Variants in PAK1 observed in about 807,000 individuals in gnomAD.
PAK1 encodes serine/threonine-protein kinase PAK 1.
A neutral mutation model predicts 67.4 loss-of-function variants in PAK1; 29 were observed. The ratio of observed to expected loss-of-function variants is 0.43; its 90% CI spans 0.32 to 0.59. The LOEUF (loss-of-function observed/expected upper bound fraction) is 0.59. Among genes scored for constraint, PAK1 ranks in the 20% least tolerant of loss-of-function variants. The pLI is 0.07. For synonymous variants in PAK1, 223 were observed against 237.4 expected, an observed-to-expected ratio of 0.94 and a Z score of 0.56; for missense variants, 337 against 670.7, an observed-to-expected ratio of 0.50 and a Z score of 5.50.
chr11:77,430,669 T>C (rs909617482), intron 1 of PAK1, among the ~76,000 whole-genome samples: 5 of 152,384 alleles, frequency 3.3e-5, no homozygotes, highest in Admixed American at 2.0e-4. Context: ...CCAGTTGTGA[T>C]TGCTGACTCT....
At chr11:77,505,602 C>G in the PAK1 span, among the ~76,000 whole-genome samples, 2 of 152,332 alleles carry the variant, frequency 1.3e-5, no homozygotes, top group Non-Finnish European at 2.9e-5. Flanking sequence ...AACCACCATT[C>G]TACTTTTTGC....
chr11:77,358,967 A>G lies in PAK1; in HGVS notation c.528T>C (p.Asp176=), dbSNP rs761572216. The G allele has an allele frequency of 6.2e-7, 1 of 1,612,646 alleles. No individual in the cohort carries two copies. Among genetic ancestry groups the G allele is most frequent in the Non-Finnish European group, 8.5e-7 (1 of 1,178,832 alleles). ...TAGCATCATCATCATCATCATCCTC[A>G]TCTTCTGAAACTGGTGGCACTGCAG... ...ETPAVPPVSE[D]EDDDDDDATP... is the part of the protein sequence containing the mutation. The change falls in exon 6 of 15, where the codon GAT becomes GAC. Residue 176 remains aspartate (D), a synonymous_variant. Transcript: ENST00000356341.
chr11:77,369,082 T>C (rs963857201), intron 5 of PAK1, among the ~76,000 whole-genome samples: 1 of 152,230 alleles, frequency 6.6e-6, no homozygotes, highest in East Asian at 1.9e-4. Context: ...CCTCTGAAGA[T>C]ACTGCTGTTT....
At chr11:77,390,531 C>CT (rs1222825546) in intron 2 of PAK1, among the ~76,000 whole-genome samples, 2 of 150,966 alleles carry the variant, frequency 1.3e-5, no homozygotes, top group Admixed American at 6.6e-5. Context: ...GGATCTCACT[C>CT]TGTCACCCAG....
the PAK1 span, among the ~76,000 whole-genome samples, chr11:77,510,149 CAT>C: frequency 6.6e-6 from 1 of 152,248 alleles, no homozygotes; most frequent in South Asian, 2.1e-4. Context: ...TGTAGGGAGA[CAT>C]ATTTTCACCA....
Position 77,362,116 on chromosome 11 carries a change from G to A in PAK1, c.478-3099C>T, listed in dbSNP as rs189975712. Among the ~76,000 whole-genome samples, 159 of 152,154 alleles carry A rather than the reference G, an allele frequency of 1.0e-3. 1 individual carries two copies. Among genetic ancestry groups the A allele is most frequent in the Non-Finnish European group, 5.6e-4 (38 of 67,964 alleles). Reference sequence around the variant, plus strand: ...GTGTTTCTATATAAATTTATCCACCGGTTTGGGTTTTCTTTATTACAGAAA... The same window carrying A: ...GTGTTTCTATATAAATTTATCCACCAGTTTGGGTTTTCTTTATTACAGAAA... On this transcript the variant is annotated intron_variant, in intron 5 of 14. Coordinates refer to ENST00000356341, the MANE Select transcript of PAK1 (RefSeq NM_002576.5).
intron 13 of PAK1, among the ~76,000 whole-genome samples, chr11:77,335,090 C>T (rs1942444697): frequency 6.6e-6 from 1 of 152,192 alleles, no homozygotes; most frequent in African/African-American, 2.4e-5. Context: ...AGACACTTCT[C>T]TGTTCTCTCA....
chr11:77,438,908 C>A (rs906286870), intron 1 of PAK1, among the ~76,000 whole-genome samples: 1 of 152,132 alleles, frequency 6.6e-6, no homozygotes, highest in Non-Finnish European at 1.5e-5. Flanking sequence ...AACCACTCAC[C>A]CACAAAGACA....
chr11:77,392,313 G>A lies in PAK1; in HGVS notation c.190+18C>T. ...TTTTAAAGCATATAAATGATGAGAAGAAAATCAAATACTATACTTTTATCT... is the reference window on the plus strand; with the variant it reads ...TTTTAAAGCATATAAATGATGAGAAAAAAATCAAATACTATACTTTTATCT... On this transcript the variant is annotated intron_variant, in intron 2 of 14. Coordinates refer to ENST00000356341, the MANE Select transcript of PAK1 (RefSeq NM_002576.5). 6.7e-7 allele frequency: 1 copy of A among 1,500,264 alleles called. No homozygotes were observed. Among genetic ancestry groups the A allele is most frequent in the Non-Finnish European group, 9.0e-7 (1 of 1,111,052 alleles). The allele number at this position is 1,500,264 out of a possible 1,614,324, so 92.9% of individuals were successfully genotyped here.
chr11:77,494,959 C>T, the PAK1 span, among the ~76,000 whole-genome samples: 5 of 151,588 alleles, frequency 3.3e-5, no homozygotes, highest in Admixed American at 1.3e-4. Flanking sequence ...GTCAGGGGTT[C>T]GAGACCAACC....
intron 6 of PAK1, among the ~76,000 whole-genome samples, chr11:77,357,066 T>C (rs1332238932): frequency 6.6e-6 from 1 of 152,124 alleles, no homozygotes; most frequent in Admixed American, 6.6e-5. Flanking sequence ...AGGTAAATAT[T>C]TGATGGAATA....
chr11:77,527,991 A>G, the PAK1 span, among the ~76,000 whole-genome samples: 1 of 152,036 alleles, frequency 6.6e-6, no homozygotes, highest in Non-Finnish European at 1.5e-5. Context: ...CTGGGACTAC[A>G]GGCGAGTGCC....
the PAK1 span, among the ~76,000 whole-genome samples, chr11:77,510,305 G>A: frequency 1.3e-5 from 2 of 152,202 alleles, no homozygotes; most frequent in Non-Finnish European, 2.9e-5. Flanking sequence ...TCATACTTCT[G>A]TGGTGATACG....
At chr11:77,403,348 T>A (rs1419094883) in intron 1 of PAK1, among the ~76,000 whole-genome samples, 1 of 152,140 alleles carries the variant, frequency 6.6e-6, no homozygotes, top group Non-Finnish European at 1.5e-5. Flanking sequence ...ACAATGATGA[T>A]CATGTCAACA....
chr11:77,475,247 G>A (rs1052231976), upstream of PAK1: 6 of 152,126 alleles, frequency 3.9e-5, no homozygotes, highest in African/African-American at 1.4e-4. Context: ...TCCATATCAA[G>A]TTGGACACCA....
At chr11:77,454,967 A>G (rs1165746727) in intron 1 of PAK1, among the ~76,000 whole-genome samples, 7 of 152,062 alleles carry the variant, frequency 4.6e-5, no homozygotes, top group Non-Finnish European at 1.0e-4. Context: ...TCTGAAATAA[A>G]ATCAGTCAGT....
intron 2 of PAK1, among the ~76,000 whole-genome samples, chr11:77,387,073 CTTTTTT>C (rs34065292): frequency 1.6e-5 from 2 of 126,840 alleles, no homozygotes; most frequent in Non-Finnish European, 3.3e-5. Flanking sequence ...CACGCCCAGC[CTTTTTT>C]TTTTTTTTTT....
the PAK1 span, among the ~76,000 whole-genome samples, chr11:77,505,295 C>T: frequency 1.1e-4 from 17 of 152,096 alleles, no homozygotes; most frequent in East Asian, 2.9e-3. Context: ...TCAAGCGATT[C>T]TCCTGCCTCA....
intron 1 of PAK1, among the ~76,000 whole-genome samples, chr11:77,470,319 G>A (rs780692452): frequency 6.6e-6 from 1 of 152,118 alleles, no homozygotes; most frequent in African/African-American, 2.4e-5. Context: ...AAATAGAAAG[G>A]CAGCTTTCTC....
Sources: gnomAD v4.1 joint callset for allele counts (sites outside exome capture counted in the v4.1 genomes callset) on GRCh38, gnomAD v4.1.1 for gene constraint, MANE v1.5 for transcripts, NCBI Gene and HGNC (gene_info 2026-07-23, HGNC 2026-07-21) for gene names.